SRPX: variants seen among roughly 807,000 people sequenced by gnomAD.
The protein encoded by SRPX is sushi repeat-containing protein SRPX.
Under a neutral mutation model 38.1 loss-of-function variants are expected in SRPX, and 24 were observed. The observed-to-expected ratio is 0.63, with a 90% confidence interval of 0.46 to 0.89. The LOEUF is 0.89. Ranked by LOEUF, SRPX falls within the 40% of genes least tolerant of loss-of-function variation. SRPX has a pLI of 0.00. For missense variants in SRPX, 416 were observed against 377.8 expected (o/e 1.10, Z -0.84); for synonymous variants, 184 against 153.8 (o/e 1.20, Z -1.45).
intron 1 of SRPX, among the ~76,000 whole-genome samples, chrX:38,209,683 A>G (rs1221938538): frequency 8.9e-6 from 1 of 112,675 alleles, no homozygotes; most frequent in African/African-American, 3.2e-5. Flanking sequence ...AGAAGAAAGT[A>G]TTCTGAAAGG....
At chrX:38,174,053 A>G in intron 3 of SRPX, 107 bp downstream of exon 3, 2 of 647,996 alleles carry the variant, frequency 3.1e-6, no homozygotes, top group Non-Finnish European at 4.3e-6. Flanking sequence ...CCCTGATCAT[A>G]AGGAGAATTT....
At chrX:38,170,805 G>A (rs1938452328) in intron 4 of SRPX, among the ~76,000 whole-genome samples, 2 of 112,101 alleles carry the variant, frequency 1.8e-5, no homozygotes, top group Non-Finnish European at 3.8e-5. Context: ...GCCAAAGCTT[G>A]CTTAGCAGAA....
chrX:38,160,790 TC>T (rs1355915560), intron 6 of SRPX, 142 bp downstream of exon 6: 1 of 720,668 alleles, frequency 1.4e-6, no homozygotes, highest in African/African-American at 2.1e-5. Flanking sequence ...ATAGGGCACT[TC>T]CCCAAGCCTT....
chrX:38,205,194 T>C (rs889724648), intron 1 of SRPX, among the ~76,000 whole-genome samples: 2 of 112,232 alleles, frequency 1.8e-5, no homozygotes, highest in African/African-American at 6.5e-5. Context: ...CAAGTTGTTT[T>C]GTGGGAGGTA....
At chrX:38,155,595 T>C (rs1293551171) in intron 8 of SRPX, among the ~76,000 whole-genome samples, 1 of 112,465 alleles carries the variant, frequency 8.9e-6, no homozygotes, top group Non-Finnish European at 1.9e-5. Context: ...TTGTAGATCA[T>C]GCACAAATGA....
At chrX:38,213,085 C>T (rs1258366385) in intron 1 of SRPX, among the ~76,000 whole-genome samples, 1 of 110,873 alleles carries the variant, frequency 9.0e-6, no homozygotes, top group Non-Finnish European at 1.9e-5. Flanking sequence ...ACCTTGAAAG[C>T]ACTATACTAA....
intron 8 of SRPX, 112 bp from the exon 9 acceptor site, chrX:38,154,695 C>T: frequency 1.0e-6 from 1 of 993,609 alleles, no homozygotes; most frequent in Non-Finnish European, 1.4e-6. Flanking sequence ...AGTTTATTTG[C>T]TCACTCTGAA....
At chrX:38,193,716 G>A (rs968264369) in intron 1 of SRPX, among the ~76,000 whole-genome samples, 4 of 111,875 alleles carry the variant, frequency 3.6e-5, no homozygotes, top group African/African-American at 1.3e-4. Flanking sequence ...ATTTGAGGAG[G>A]TACATATGTC....
chrX:38,182,701 G>A lies in SRPX; in HGVS notation c.98-4357C>T, dbSNP rs184153619. 3.6e-4 allele frequency among the ~76,000 whole-genome samples: 40 copies of A among 111,999 alleles called. No individual in the cohort carries two copies. The East Asian group carries it at 7.0e-3, about 20-fold the overall frequency. On this transcript the variant is annotated intron_variant, in intron 1 of 9. Coordinates refer to ENST00000378533, the MANE Select transcript of SRPX (RefSeq NM_006307.5). Reference sequence around the variant, plus strand: ...TCTCCCTGATAAAAGAGAAAACTGCGCAAGGAGAAGACTTTTCCCTCTTTT... The same window carrying A: ...TCTCCCTGATAAAAGAGAAAACTGCACAAGGAGAAGACTTTTCCCTCTTTT...
chrX:38,160,997 G>T lies in SRPX; in HGVS notation c.711C>A (p.Ile237=). Residue 237 remains isoleucine, a synonymous_variant, in exon 6 of 10, where the codon ATC becomes ATA. Transcript: ENST00000378533. The stretch of plus-strand genomic sequence containing the variant: ...CAGCTCTGTCATAGACTGTGTACTG[G>T]ATCTTGTGGTCTCCTTCTGGAAAGT... ...GSNFPEGDHK[I]QYTVYDRAEN... 3 of 1,210,858 alleles carry T rather than the reference G, an allele frequency of 2.5e-6. No individual in the cohort carries two copies. The highest frequency in any genetic ancestry group is 3.4e-6 in the Non-Finnish European group (3 of 895,069).
intron 9 of SRPX, 92 bp from the exon 10 acceptor site, chrX:38,149,986 A>G: frequency 2.5e-6 from 2 of 814,685 alleles, no homozygotes; most frequent in South Asian, 6.4e-5. Context: ...GACAGTGTGC[A>G]GAGAAAGCTT....
intron 3 of SRPX, 116 bp from the exon 4 acceptor site, chrX:38,172,173 G>T: frequency 1.2e-6 from 1 of 811,704 alleles, no homozygotes; most frequent in Non-Finnish European, 1.7e-6. Context: ...ATATAAGAAG[G>T]CCAGGCGCAG....
rs58888978 is a variant in SRPX at position 38,153,302 on chromosome X, C to CTTTTTTTTTTTTT, written c.1211+1147_1211+1159dup. Reference sequence around the variant, plus strand: ...GAGTTTTTTCTTTCTTTCTTTCTTTCTTTTTTTTTTTTTTTTTTTTTTTTT... The same window carrying CTTTTTTTTTTTTT: ...GAGTTTTTTCTTTCTTTCTTTCTTTCTTTTTTTTTTTTTTTTTTTTTTTTTTTTTTTTTTTTTT... On this transcript the variant is annotated intron_variant, in intron 9 of 9. Transcript: ENST00000378533. 3.0e-3 allele frequency among the ~76,000 whole-genome samples: 165 copies of CTTTTTTTTTTTTT among 54,671 alleles called. 1 individual carries two copies. The highest frequency in any genetic ancestry group is 4.2e-3 in the Non-Finnish European group (131 of 31,359). The allele number at this position is 54,671 out of a possible 115,157, so 47.5% of individuals were successfully genotyped here.
chrX:38,160,899 A>G, intron 6 of SRPX, 34 bp downstream of exon 6: 3 of 1,199,205 alleles, frequency 2.5e-6, no homozygotes, highest in South Asian at 1.8e-5. Context: ...TTCTAAAGAG[A>G]GGGGGAAACA....
At chrX:38,201,257 T>A (rs772760727) in intron 1 of SRPX, among the ~76,000 whole-genome samples, 88 of 110,582 alleles carry the variant, frequency 8.0e-4, no homozygotes, top group African/African-American at 2.6e-3. Context: ...TATCCAGGTC[T>A]AACAATATAC....
intron 3 of SRPX, 103 bp from the exon 4 acceptor site, chrX:38,172,160 T>C: frequency 1.1e-6 from 1 of 933,971 alleles, no homozygotes; most frequent in African/African-American, 2.0e-5. Context: ...AAAGTTAATT[T>C]AAATATAAGA....
At chrX:38,213,563 T>C (rs1939374014) in intron 1 of SRPX, among the ~76,000 whole-genome samples, 1 of 111,811 alleles carries the variant, frequency 8.9e-6, no homozygotes, top group African/African-American at 3.3e-5. Context: ...CAAGTGTCAA[T>C]ATAAAGAATA....
At chrX:38,189,381 C>A (rs1938853283) in intron 1 of SRPX, among the ~76,000 whole-genome samples, 1 of 112,017 alleles carries the variant, frequency 8.9e-6, no homozygotes, top group East Asian at 2.8e-4. Flanking sequence ...CCTGGTCTTT[C>A]ATTTCCATTG....
intron 1 of SRPX, among the ~76,000 whole-genome samples, chrX:38,196,452 T>A (rs1398553020): frequency 8.9e-6 from 1 of 112,595 alleles, no homozygotes; most frequent in Non-Finnish European, 1.9e-5. Flanking sequence ...CTATTACATT[T>A]GAGTGTTTAA....
Sources: allele counts gnomAD v4.1 joint callset (sites outside exome capture counted in the v4.1 genomes callset), GRCh38; gene constraint gnomAD v4.1.1; transcripts MANE v1.5; gene names NCBI Gene and HGNC (gene_info 2026-07-23, HGNC 2026-07-21).